DMXL1: variants seen among roughly 807,000 people sequenced by gnomAD.
DMXL1 encodes the protein dmX-like protein 1.
Under a neutral mutation model 319.2 loss-of-function variants are expected in DMXL1, and 99 were observed. The observed-to-expected ratio is 0.31, with a 90% CI of 0.26 to 0.37. DMXL1 has a LOEUF of 0.37. Ranked by LOEUF, DMXL1 falls within the 10% of genes least tolerant of loss-of-function variation. DMXL1 has a pLI of 1.00. For synonymous variants in DMXL1, 1,385 were observed against 1,235.2 expected (o/e 1.12, Z -2.54); for missense variants, 3,745 against 3,595.6 (o/e 1.04, Z -1.06).
intron 9 of DMXL1, among the ~76,000 whole-genome samples, chr5:119,121,591 G>A (rs1329736292): frequency 1.3e-5 from 2 of 152,142 alleles, no homozygotes; most frequent in African/African-American, 4.8e-5. Flanking sequence ...AGAGCACAGG[G>A]TTGGGGGTAA....
chr5:119,075,940 G>A (rs1008065965), intron 1 of DMXL1, among the ~76,000 whole-genome samples: 1 of 152,158 alleles, frequency 6.6e-6, no homozygotes, highest in Admixed American at 6.5e-5. Flanking sequence ...TAGTTAATTA[G>A]AATCTACATT....
chr5:119,165,096 A>G (rs1420418754), intron 20 of DMXL1, 87 bp from the exon 21 acceptor site: 6 of 754,318 alleles, frequency 8.0e-6, no homozygotes, highest in East Asian at 5.1e-5. Context: ...TAAACATTCA[A>G]TGGATATGTG....
At chr5:119,177,216 C>A (rs1322976050) in intron 26 of DMXL1, 141 bp from the exon 27 acceptor site, 1 of 469,120 alleles carries the variant, frequency 2.1e-6, no homozygotes, top group Non-Finnish European at 3.7e-6. Context: ...TTTTATATAG[C>A]ACTAGACTGT....
At chr5:119,111,666 A>G (rs1759632082) in intron 5 of DMXL1, among the ~76,000 whole-genome samples, 1 of 152,230 alleles carries the variant, frequency 6.6e-6, no homozygotes, top group Non-Finnish European at 1.5e-5. Flanking sequence ...AATTGTCCAT[A>G]AGGGAAGAAA....
chr5:119,080,266 G>A (rs1456052087), intron 1 of DMXL1, among the ~76,000 whole-genome samples: 1 of 152,114 alleles, frequency 6.6e-6, no homozygotes, highest in East Asian at 1.9e-4. Context: ...ATAATTGCTT[G>A]AACCTAGGAG....
chr5:119,093,517 T>G (rs1266445832), intron 1 of DMXL1, among the ~76,000 whole-genome samples: 1 of 152,194 alleles, frequency 6.6e-6, no homozygotes, highest in Non-Finnish European at 1.5e-5. Flanking sequence ...GCCAATGAAC[T>G]GCGCTCAGAC....
intron 1 of DMXL1, among the ~76,000 whole-genome samples, chr5:119,092,303 T>TC (rs949069057): frequency 3.9e-5 from 6 of 152,086 alleles, no homozygotes; most frequent in Non-Finnish European, 5.9e-5. Context: ...TCTTTTTTTT[T>TC]CACATAGGGT....
chr5:119,073,423 C>G (rs1239000546), intron 1 of DMXL1, among the ~76,000 whole-genome samples: 1 of 152,194 alleles, frequency 6.6e-6, no homozygotes, highest in Non-Finnish European at 1.5e-5. Context: ...AACTTCAAAG[C>G]ATATGCAGTA....
Position 119,149,865 on chromosome 5 carries a change from G to A in DMXL1, c.4038G>A (p.Leu1346=). 6.2e-7 allele frequency: 1 copy of A among 1,613,884 alleles called. No homozygotes were observed. The highest frequency in any genetic ancestry group is 8.5e-7 in the Non-Finnish European group (1 of 1,179,908). The change falls in exon 18 of 44, where the codon TTG becomes TTA. Residue 1346 remains leucine (L), a synonymous_variant. Transcript: ENST00000539542. ...LGKVRRAKAI[L]SHLVKCIAGE... ...AAGTTCGGAGAGCCAAGGCCATCTT[G>A]TCCCATCTTGTTAAGTGCATTGCTG...
chr5:119,147,525 G>T, intron 17 of DMXL1, 55 bp downstream of exon 17: 1 of 1,266,574 alleles, frequency 7.9e-7, no homozygotes, highest in Non-Finnish European at 1.1e-6. Flanking sequence ...TATTTACCAG[G>T]TATTTAAAAA....
chr5:119,203,758 TCTTAGAAGTTTAATTGTAA>T (rs978507107), intron 33 of DMXL1, among the ~76,000 whole-genome samples: 3 of 152,198 alleles, frequency 2.0e-5, no homozygotes, highest in African/African-American at 2.4e-5. Flanking sequence ...AAGAAGTCTA[TCTTAGAAGTTTAATTGTAA>T]CTTAGAAGTT....
At chr5:119,116,689 G>A (rs541797410) in intron 7 of DMXL1, among the ~76,000 whole-genome samples, 11 of 152,070 alleles carry the variant, frequency 7.2e-5, no homozygotes, top group South Asian at 2.1e-4. Context: ...ATACTCTGTC[G>A]TCTTGTACCT....
intron 10 of DMXL1, among the ~76,000 whole-genome samples, chr5:119,129,677 A>G (rs968322301): frequency 6.6e-6 from 1 of 152,222 alleles, no homozygotes. Flanking sequence ...ATAAAGGACT[A>G]TCTGTAGACT....
Position 119,224,710 on chromosome 5 carries a change from T to A in DMXL1, c.8279T>A (p.Met2760Lys). ...AAAATAATTTTTCTATTTTACCAGA[T>A]GATTAAGAAAGCCATTAATAATGTT... ...STQTGRGASV[M>K]IKKAINNVRR... is the part of the protein sequence containing the mutation. Residue 2760 changes from methionine (M) to lysine (K), a missense_variant and splice_region_variant, in exon 38 of 44, where the codon ATG becomes AAG. Transcript: ENST00000539542. 1 of 1,253,220 alleles carries A rather than the reference T, an allele frequency of 8.0e-7. No individual in the cohort carries two copies. The highest frequency in any genetic ancestry group is 1.1e-6 in the Non-Finnish European group (1 of 930,096). 77.6% of individuals were successfully genotyped at this position (1,253,220 alleles called of 1,614,324 possible). A position where few individuals can be genotyped will look rare whatever the true frequency, so the allele number is the denominator to read the frequency against.
At chr5:119,220,684 A>G (rs556298791) in intron 36 of DMXL1, 91 bp downstream of exon 36, 26 of 1,471,678 alleles carry the variant, frequency 1.8e-5, no homozygotes, top group South Asian at 9.2e-5. Flanking sequence ...CTTTAAAGCA[A>G]TGTATAGATT....
At chr5:119,092,154 A>G (rs931441126) in intron 1 of DMXL1, among the ~76,000 whole-genome samples, 2 of 151,948 alleles carry the variant, frequency 1.3e-5, no homozygotes, top group Admixed American at 6.6e-5. Context: ...TCATTTCTGA[A>G]AATTGTCTTT....
chr5:119,173,776 G>GTGTATATATATATA lies in DMXL1; in HGVS notation c.6682-1484_6682-1483insGTATATATATATAT. On this transcript the variant is annotated intron_variant, in intron 25 of 43. Coordinates refer to ENST00000539542, the MANE Select transcript of DMXL1 (RefSeq NM_001290321.3). ...TGTGTATATATATATATGTGTGTGT[G>GTGTATATATATATA]TATATATATATATATATATATAATG... is the stretch of plus-strand genomic sequence containing the variant. Among the ~76,000 whole-genome samples, 169 of 67,168 alleles carry GTGTATATATATATA rather than the reference G, an allele frequency of 2.5e-3. 13 individuals carry two copies. The highest frequency in any genetic ancestry group is 8.7e-3 in the African/African-American group (157 of 18,012). The allele number at this position is 67,168 out of a possible 152,430, so 44.1% of individuals were successfully genotyped here. A position where few individuals can be genotyped will look rare whatever the true frequency, so the allele number is the denominator to read the frequency against.
intron 19 of DMXL1, among the ~76,000 whole-genome samples, 196 bp from the exon 20 acceptor site, chr5:119,164,311 A>AAAACATATATGTGCTCATTGG (rs1772947591): frequency 6.6e-6 from 1 of 152,192 alleles, no homozygotes; most frequent in Non-Finnish European, 1.5e-5. Context: ...CTATTTTTGC[A>AAAACATATATGTGCTCATTGG]AAACATATAT....
intron 10 of DMXL1, among the ~76,000 whole-genome samples, chr5:119,131,252 C>T (rs1189421268): frequency 6.6e-6 from 1 of 151,232 alleles, no homozygotes; most frequent in Non-Finnish European, 1.5e-5. Context: ...CAGAGAAAGG[C>T]TCTATATTGC....
Sources: allele counts gnomAD v4.1 joint callset (sites outside exome capture counted in the v4.1 genomes callset), GRCh38; gene constraint gnomAD v4.1.1; transcripts MANE v1.5; gene names NCBI Gene and HGNC (gene_info 2026-07-23, HGNC 2026-07-21).